The following TBC1D32 variants were observed in gnomAD, a reference collection of about 807,000 sequenced individuals.
TBC1D32 encodes protein broad-minded.
Under a neutral mutation model 170.3 loss-of-function variants are expected in TBC1D32, and 151 were observed. That is an observed-to-expected ratio of 0.89 (90% CI 0.78 to 1.01). The LOEUF is 1.01. TBC1D32 is among the 50% of genes least tolerant of loss of function. The pLI, the probability that TBC1D32 is intolerant of heterozygous loss-of-function variation, is 0.00. For synonymous variants in TBC1D32, 498 were observed against 488.0 expected (o/e 1.02, Z -0.27); for missense variants, 1,464 against 1,457.1 (o/e 1.00, Z -0.08).
chr6:121,219,345 C>T (rs1376310151), intron 21 of TBC1D32, among the ~76,000 whole-genome samples: 2 of 151,946 alleles, frequency 1.3e-5, no homozygotes, highest in Non-Finnish European at 1.5e-5. Context: ...AAATATAATG[C>T]CTTTGGGAGA....
chr6:121,283,401 C>T (rs1439572084), intron 13 of TBC1D32, among the ~76,000 whole-genome samples: 1 of 151,508 alleles, frequency 6.6e-6, no homozygotes, highest in East Asian at 1.9e-4. Flanking sequence ...TAAAAGAAGA[C>T]CCTGAAAAGA....
Position 121,159,995 on chromosome 6 carries a change from T to C in TBC1D32, c.2773+15A>G, listed in dbSNP as rs759065926. 2.5e-5 allele frequency: 37 copies of C among 1,491,668 alleles called. No individual in the cohort carries two copies. The highest frequency in any genetic ancestry group is 3.2e-5 in the Non-Finnish European group (35 of 1,078,492). The allele number at this position is 1,491,668 out of a possible 1,614,324, so 92.4% of individuals were successfully genotyped here. On this transcript the variant is annotated intron_variant, in intron 24 of 31. Coordinates refer to ENST00000398212, the MANE Select transcript of TBC1D32 (RefSeq NM_152730.6). ...GCTTTAAAAATAATATGGCATTTGATGGTAAATATTTTACCTTGTTTTATA... is the reference window on the plus strand; with the variant it reads ...GCTTTAAAAATAATATGGCATTTGACGGTAAATATTTTACCTTGTTTTATA...
At chr6:121,332,445 TA>T (rs1313143146) in intron 1 of TBC1D32, among the ~76,000 whole-genome samples, 7 of 151,832 alleles carry the variant, frequency 4.6e-5, no homozygotes, top group Admixed American at 3.9e-4. Flanking sequence ...AAGATACAAA[TA>T]AAAACAAAAG....
chr6:121,131,734 A>T lies in TBC1D32; in HGVS notation c.2792T>A (p.Leu931His). Reference protein sequence around the residue: ...GIKQDNDLDKLLLCLKISDKQ... With the variant: ...GIKQDNDLDKHLLCLKISDKQ... ...ATCAGATATTTTGAGGCATAATAAA[A>T]GCTTGTCAAGATCATTGTCTAATCA... The change falls in exon 25 of 32, where the codon CTT (leucine) becomes CAT (histidine). Residue 931 changes from leucine to histidine, a missense_variant. By Grantham distance (99) the Leu-to-His change is moderately conservative (BLOSUM62 -3). Transcript: ENST00000398212. The T allele has an allele frequency of 6.3e-7, 1 of 1,597,554 alleles. No individual in the cohort carries two copies. Among genetic ancestry groups the T allele is most frequent in the South Asian group, 1.1e-5 (1 of 90,468 alleles).
At chr6:121,200,619 A>T (rs765253706) in intron 22 of TBC1D32, among the ~76,000 whole-genome samples, 13 of 151,644 alleles carry the variant, frequency 8.6e-5, no homozygotes, top group Non-Finnish European at 1.5e-4. Context: ...AAAGTAGAAG[A>T]AAATAATACT....
At chr6:121,230,149 C>T (rs1367131585) in intron 20 of TBC1D32, among the ~76,000 whole-genome samples, 1 of 152,068 alleles carries the variant, frequency 6.6e-6, no homozygotes, top group Admixed American at 6.6e-5. Context: ...AGGAAAGGCA[C>T]AATAAATGCT....
At chr6:121,255,172 C>A (rs1389651975) in intron 17 of TBC1D32, among the ~76,000 whole-genome samples, 156 bp downstream of exon 17, 1 of 151,846 alleles carries the variant, frequency 6.6e-6, no homozygotes, top group East Asian at 1.9e-4. Context: ...ATTACATGAT[C>A]TCTAAAGTTT....
intron 26 of TBC1D32, among the ~76,000 whole-genome samples, chr6:121,124,712 C>T (rs2128210585): frequency 6.6e-6 from 1 of 151,906 alleles, no homozygotes; most frequent in African/African-American, 2.4e-5. Context: ...TTTCTTTATT[C>T]CTTTTCATCA....
intron 15 of TBC1D32, among the ~76,000 whole-genome samples, chr6:121,276,438 T>G (rs545913185): frequency 6.6e-6 from 1 of 152,010 alleles, no homozygotes; most frequent in South Asian, 2.1e-4. Flanking sequence ...AAAGTATAAT[T>G]GATATACTAA....
At chr6:121,182,930 T>A (rs1248045114) in intron 22 of TBC1D32, among the ~76,000 whole-genome samples, 1 of 152,052 alleles carries the variant, frequency 6.6e-6, no homozygotes, top group Non-Finnish European at 1.5e-5. Flanking sequence ...TTAGATTTTT[T>A]TAATGAAAAA....
At chr6:121,318,131 T>G (rs1159310899) in intron 2 of TBC1D32, among the ~76,000 whole-genome samples, 2 of 152,008 alleles carry the variant, frequency 1.3e-5, no homozygotes, top group Admixed American at 6.6e-5. Context: ...ATACTTTATA[T>G]ACACCCATAG....
chr6:121,278,261 C>CA (rs1446654511), intron 15 of TBC1D32, among the ~76,000 whole-genome samples: 3 of 151,984 alleles, frequency 2.0e-5, no homozygotes, highest in African/African-American at 7.2e-5. Flanking sequence ...ATAAGGTCAC[C>CA]ATTCCAATAA....
intron 1 of TBC1D32, among the ~76,000 whole-genome samples, chr6:121,332,473 T>C (rs909530129): frequency 6.6e-6 from 1 of 152,124 alleles, no homozygotes; most frequent in African/African-American, 2.4e-5. Context: ...TGACTACAGA[T>C]ACTGGAAATA....
chr6:121,226,123 CT>C (rs1380949364), intron 20 of TBC1D32, among the ~76,000 whole-genome samples: 2 of 152,080 alleles, frequency 1.3e-5, no homozygotes, highest in Non-Finnish European at 2.9e-5. Flanking sequence ...CTTCTATTCA[CT>C]TATTCACTAA....
chr6:121,305,063 T>C (rs1466039001), intron 5 of TBC1D32, among the ~76,000 whole-genome samples: 2 of 152,060 alleles, frequency 1.3e-5, no homozygotes, highest in Admixed American at 1.3e-4. Context: ...TACTGCACAA[T>C]CCGGTCATAG....
intron 9 of TBC1D32, among the ~76,000 whole-genome samples, chr6:121,302,334 T>G (rs1806619455): frequency 6.6e-6 from 1 of 152,156 alleles, no homozygotes; most frequent in Non-Finnish European, 1.5e-5. Context: ...ATGGTCTGGC[T>G]CTTTACATAA....
intron 17 of TBC1D32, among the ~76,000 whole-genome samples, chr6:121,252,355 G>T (rs1457923082): frequency 6.6e-6 from 1 of 152,190 alleles, no homozygotes. Flanking sequence ...ACTGGATAAA[G>T]AAAATGTGGC....
chr6:121,120,449 C>T (rs980656520), intron 26 of TBC1D32, among the ~76,000 whole-genome samples: 2 of 151,888 alleles, frequency 1.3e-5, no homozygotes, highest in Non-Finnish European at 2.9e-5. Context: ...GAGAGCTATA[C>T]GAATTGGAGA....
chr6:121,303,575 G>A, intron 9 of TBC1D32, 42 bp downstream of exon 9: 3 of 1,410,214 alleles, frequency 2.1e-6, no homozygotes, highest in Non-Finnish European at 2.9e-6. Flanking sequence ...AAATGATATA[G>A]CAATGCACTA....
Sources: allele counts gnomAD v4.1 joint callset (sites outside exome capture counted in the v4.1 genomes callset), GRCh38; gene constraint gnomAD v4.1.1; transcripts MANE v1.5; gene names NCBI Gene and HGNC (gene_info 2026-07-23, HGNC 2026-07-21).